The following CACNA2D1 variants were observed in gnomAD, a reference collection of about 807,000 sequenced individuals.
The protein encoded by CACNA2D1 is voltage-dependent calcium channel subunit alpha-2/delta-1.
Under a neutral mutation model 171.5 loss-of-function variants are expected in CACNA2D1, and 53 were observed. The ratio of observed to expected loss-of-function variants is 0.31; its 90% CI spans 0.25 to 0.39. CACNA2D1 has a LOEUF of 0.39. CACNA2D1 is among the 10% of genes least tolerant of loss of function. The pLI is 1.00. For missense variants in CACNA2D1, 903 were observed against 1,299.8 expected (o/e 0.69, Z 4.69); for synonymous variants, 442 against 443.1 (o/e 1.00, Z 0.03).
intron 5 of CACNA2D1, among the ~76,000 whole-genome samples, chr7:82,124,324 A>G (rs1790083051): frequency 6.6e-6 from 1 of 151,832 alleles, no homozygotes; most frequent in African/African-American, 2.4e-5. Context: ...AAAACCCTCC[A>G]CCCTCTTCCC....
At chr7:82,333,838 A>C (rs1451413665) in intron 3 of CACNA2D1, among the ~76,000 whole-genome samples, 15 of 152,312 alleles carry the variant, frequency 9.8e-5, no homozygotes. Flanking sequence ...GACTAAACAC[A>C]TAAATGCAAA....
chr7:82,036,822 T>G (rs1414494036), intron 11 of CACNA2D1, among the ~76,000 whole-genome samples: 1 of 152,198 alleles, frequency 6.6e-6, no homozygotes, highest in South Asian at 2.1e-4. Flanking sequence ...AAGAGTTCAT[T>G]CAGTGATTCA....
At chr7:81,970,541 T>C (rs1008339438) in intron 27 of CACNA2D1, 134 bp downstream of exon 27, 2 of 694,730 alleles carry the variant, frequency 2.9e-6, no homozygotes, top group Non-Finnish European at 5.4e-6. Context: ...ATGTAAATAC[T>C]GTAAACAATG....
intron 12 of CACNA2D1, among the ~76,000 whole-genome samples, chr7:82,016,548 C>T (rs1800476007): frequency 6.8e-6 from 1 of 147,432 alleles, no homozygotes. Flanking sequence ...CACTCAGATC[C>T]ACACATATGA....
chr7:82,305,829 C>T (rs913070275), intron 3 of CACNA2D1, among the ~76,000 whole-genome samples: 4 of 152,250 alleles, frequency 2.6e-5, no homozygotes, highest in South Asian at 4.1e-4. Context: ...CTATGAGCAA[C>T]GTAACCAAAA....
At position 82,012,190 on chromosome 7, in the gene CACNA2D1, C is replaced by T; in HGVS notation, c.1326G>A (p.Lys442=). Residue 442 remains lysine, a synonymous_variant, in exon 15 of 39, where the codon AAG becomes AAA. Transcript: ENST00000356860. ...RPMVLAGDKA[K]QVQWTNVYLD... is the part of the protein sequence containing the mutation. ...GGTACACATTTGTCCATTGGACTTG[C>T]TTAGCTTTGTCTCCTGCTAAAACCA... 6.2e-7 allele frequency: 1 copy of T among 1,608,418 alleles called. No homozygotes were observed. Among genetic ancestry groups the T allele is most frequent in the Non-Finnish European group, 8.5e-7 (1 of 1,175,864 alleles).
intron 2 of CACNA2D1, among the ~76,000 whole-genome samples, chr7:82,337,251 T>C (rs752173586): frequency 6.6e-6 from 1 of 152,152 alleles, no homozygotes; most frequent in Non-Finnish European, 1.5e-5. Flanking sequence ...TATTATTTTA[T>C]ATATAAAACC....
At chr7:81,966,847 G>A (rs1028535130) in intron 31 of CACNA2D1, among the ~76,000 whole-genome samples, 1 of 151,362 alleles carries the variant, frequency 6.6e-6, no homozygotes, top group Admixed American at 6.6e-5. Context: ...GGTTGCTTTG[G>A]TTAGAAACTT....
intron 1 of CACNA2D1, chr7:82,410,645 C>T (rs1020882046): frequency 4.2e-5 from 13 of 306,562 alleles, no homozygotes; most frequent in South Asian, 2.6e-4. Context: ...ACTGAGCAGG[C>T]GCGTAAGGGC....
chr7:82,195,362 C>G lies in CACNA2D1; in HGVS notation c.295-24753G>C, dbSNP rs142609184. Among the ~76,000 whole-genome samples, 434 of 151,770 alleles carry G rather than the reference C, an allele frequency of 2.9e-3. 2 individuals are homozygous for G. The highest frequency in any genetic ancestry group is 9.9e-3 in the African/African-American group (411 of 41,410). On this transcript the variant is annotated intron_variant, in intron 3 of 38. Transcript: ENST00000356860. ...GAAGGTTCCATTGAAAAGGTGATTC[C>G]AAATAAAGATTCAGGAATCACCTTT... is the stretch of plus-strand genomic sequence containing the variant.
chr7:82,291,317 CATCT>C (rs1459394310), intron 3 of CACNA2D1, among the ~76,000 whole-genome samples: 4 of 135,996 alleles, frequency 2.9e-5, no homozygotes, highest in Non-Finnish European at 6.2e-5. Context: ...TATAAATATA[CATCT>C]ATTTAGATAT....
chr7:82,387,641 T>C (rs1184721403), intron 1 of CACNA2D1, among the ~76,000 whole-genome samples: 10 of 152,220 alleles, frequency 6.6e-5, no homozygotes, highest in African/African-American at 2.4e-4. Flanking sequence ...AGAATTGTAC[T>C]TCTGAGACAC....
At chr7:82,022,105 A>G (rs1442637101) in intron 12 of CACNA2D1, among the ~76,000 whole-genome samples, 1 of 151,942 alleles carries the variant, frequency 6.6e-6, no homozygotes, top group African/African-American at 2.4e-5. Flanking sequence ...AATGCATTAA[A>G]GTCATATTAT....
chr7:82,060,358 A>G (rs1806709313), intron 10 of CACNA2D1, 70 bp downstream of exon 10: 1 of 992,694 alleles, frequency 1.0e-6, no homozygotes, highest in Non-Finnish European at 1.6e-6. Flanking sequence ...AAAAGTATAA[A>G]GTACCTAAAG....
intron 6 of CACNA2D1, among the ~76,000 whole-genome samples, chr7:82,114,316 A>G (rs1031774996): frequency 6.6e-6 from 1 of 152,238 alleles, no homozygotes; most frequent in Non-Finnish European, 1.5e-5. Context: ...CAAAAGAGTA[A>G]GAGAATGCAG....
chr7:82,092,410 C>T (rs1035175761), intron 6 of CACNA2D1, among the ~76,000 whole-genome samples: 5 of 151,666 alleles, frequency 3.3e-5, no homozygotes, highest in African/African-American at 4.8e-5. Context: ...CTCATTCTGT[C>T]GCCCAGGCTG....
At chr7:82,343,921 G>T (rs1818961626) in intron 2 of CACNA2D1, among the ~76,000 whole-genome samples, 2 of 152,066 alleles carry the variant, frequency 1.3e-5, no homozygotes, top group African/African-American at 4.8e-5. Context: ...AGTTTAATTT[G>T]CCCATAACTG....
At chr7:82,423,714 A>G (rs1039297859) in intron 1 of CACNA2D1, among the ~76,000 whole-genome samples, 5 of 152,182 alleles carry the variant, frequency 3.3e-5, no homozygotes, top group Admixed American at 2.6e-4. Context: ...TTCATGTAAA[A>G]TCATTTAATG....
At chr7:82,228,415 G>T (rs1021056421) in intron 3 of CACNA2D1, among the ~76,000 whole-genome samples, 2 of 152,116 alleles carry the variant, frequency 1.3e-5, no homozygotes, top group Non-Finnish European at 2.9e-5. Context: ...GTAATAAATG[G>T]CCATTGCTTT....
Sources: allele counts gnomAD v4.1 joint callset (sites outside exome capture counted in the v4.1 genomes callset), GRCh38; gene constraint gnomAD v4.1.1; transcripts MANE v1.5; gene names NCBI Gene and HGNC (gene_info 2026-07-23, HGNC 2026-07-21).